Variants in VTI1A observed in about 807,000 individuals in gnomAD.
The protein encoded by VTI1A is vesicle transport through interaction with t-SNAREs 1A, also known as vesicle transport through interaction with t-SNAREs homolog 1A.
VTI1A carries 22 observed loss-of-function variants against 34.9 expected under a neutral mutation model. The observed-to-expected ratio is 0.63, with a 90% CI of 0.45 to 0.90. The LOEUF (loss-of-function observed/expected upper bound fraction) is 0.90. Ranked by LOEUF, VTI1A falls within the 40% of genes least tolerant of loss-of-function variation. VTI1A has a pLI of 0.00. For synonymous variants in VTI1A, 87 were observed against 97.3 expected (o/e 0.89, Z 0.62); for missense variants, 268 against 275.6 (o/e 0.97, Z 0.20).
At chr10:112,575,712 G>A (rs1417669612) in intron 5 of VTI1A, among the ~76,000 whole-genome samples, 2 of 152,156 alleles carry the variant, frequency 1.3e-5, no homozygotes, top group Non-Finnish European at 2.9e-5. Flanking sequence ...TTGAAGGATG[G>A]CACTATGTTA....
intron 5 of VTI1A, among the ~76,000 whole-genome samples, chr10:112,589,911 G>A (rs993937611): frequency 6.6e-6 from 1 of 152,178 alleles, no homozygotes; most frequent in Non-Finnish European, 1.5e-5. Context: ...TATTTCATGG[G>A]AATTGCAATG....
chr10:112,728,876 A>G lies in VTI1A; in HGVS notation c.560+59878A>G, dbSNP rs142886534. Among the ~76,000 whole-genome samples the G allele has an allele frequency of 1.2e-4, 18 of 152,238 alleles. No homozygotes were observed. The East Asian group carries it at 3.5e-3, about 29-fold the overall frequency. The stretch of plus-strand genomic sequence containing the variant: ...TAGTAGATTTTTTTTTAATCTGCAC[A>G]ATAGGCCTAAGAGATCAATGTTTTT... On this transcript the variant is annotated intron_variant, in intron 7 of 7. Transcript: ENST00000393077.
chr10:112,601,426 C>CCT (rs1844872051), intron 5 of VTI1A, among the ~76,000 whole-genome samples: 1 of 148,248 alleles, frequency 6.7e-6, no homozygotes, highest in Admixed American at 6.7e-5. Context: ...CAATTATTTA[C>CCT]TTTTTTTTTT....
intron 5 of VTI1A, among the ~76,000 whole-genome samples, chr10:112,636,006 G>C (rs1170222778): frequency 2.6e-5 from 4 of 152,222 alleles, no homozygotes; most frequent in Non-Finnish European, 4.4e-5. Context: ...TCTCAAAGGA[G>C]ACTGTTTGGA....
intron 5 of VTI1A, among the ~76,000 whole-genome samples, chr10:112,606,456 G>T (rs1382732363): frequency 6.6e-6 from 1 of 152,090 alleles, no homozygotes; most frequent in Non-Finnish European, 1.5e-5. Flanking sequence ...TCACTTACTG[G>T]TGCTTTTCCT....
intron 3 of VTI1A, among the ~76,000 whole-genome samples, chr10:112,476,571 GGCTCA>G (rs1848283987): frequency 6.6e-6 from 1 of 152,154 alleles, no homozygotes; most frequent in Non-Finnish European, 1.5e-5. Flanking sequence ...TTAAGGTGAT[GGCTCA>G]GTATGGTAGT....
the VTI1A span, among the ~76,000 whole-genome samples, chr10:112,841,163 G>A: frequency 6.6e-6 from 1 of 152,082 alleles, no homozygotes; most frequent in Non-Finnish European, 1.5e-5. Flanking sequence ...GCTTTCCTAG[G>A]GGATACTAAA....
chr10:112,514,004 C>T (rs1282827958), intron 3 of VTI1A, among the ~76,000 whole-genome samples: 2 of 151,710 alleles, frequency 1.3e-5, no homozygotes, highest in Non-Finnish European at 2.9e-5. Context: ...GCTTTAATAT[C>T]AGGATAATGC....
intron 5 of VTI1A, among the ~76,000 whole-genome samples, chr10:112,543,210 G>A (rs1238013835): frequency 4.6e-5 from 7 of 152,018 alleles, no homozygotes; most frequent in Admixed American, 3.3e-4. Flanking sequence ...GGATCGCTGA[G>A]TCAAATGGTA....
chr10:112,622,219 C>G (rs1018880300), intron 5 of VTI1A, among the ~76,000 whole-genome samples: 3 of 152,178 alleles, frequency 2.0e-5, no homozygotes, highest in African/African-American at 7.2e-5. Context: ...AAAAGCCAAA[C>G]TGCAAACCGG....
chr10:112,606,115 C>T (rs1845071151), intron 5 of VTI1A, among the ~76,000 whole-genome samples: 1 of 151,128 alleles, frequency 6.6e-6, no homozygotes, highest in Admixed American at 6.6e-5. Context: ...ACCTCCTCCT[C>T]CTGGGTTCAA....
the VTI1A span, among the ~76,000 whole-genome samples, chr10:112,837,118 C>T: frequency 2.0e-5 from 3 of 152,124 alleles, no homozygotes; most frequent in Admixed American, 1.3e-4. Flanking sequence ...GTCAGGAGTT[C>T]GAGACCAGCC....
At chr10:112,809,928 A>T (rs756919096) in intron 7 of VTI1A, among the ~76,000 whole-genome samples, 4 of 152,174 alleles carry the variant, frequency 2.6e-5, no homozygotes, top group Non-Finnish European at 5.9e-5. Context: ...GGAGGGAAGA[A>T]TGCACATATG....
intron 5 of VTI1A, among the ~76,000 whole-genome samples, chr10:112,583,036 A>G (rs17129872): frequency 0.027 from 4,084 of 152,204 alleles, 236 homozygotes; most frequent in East Asian, 0.14. Context: ...CTCTTCCCAA[A>G]TCGTTTAAGT....
intron 5 of VTI1A, among the ~76,000 whole-genome samples, chr10:112,586,640 C>T (rs10787451): frequency 0.16 from 24,935 of 152,094 alleles, 2,146 homozygotes; most frequent in Middle Eastern, 0.24. Context: ...ATCCTTTCCT[C>T]TTCTTTCTTT....
At chr10:112,626,802 A>G (rs1845940304) in intron 5 of VTI1A, among the ~76,000 whole-genome samples, 1 of 152,216 alleles carries the variant, frequency 6.6e-6, no homozygotes, top group Non-Finnish European at 1.5e-5. Flanking sequence ...TCCAGTTAAA[A>G]TGGGTAAAGG....
At chr10:112,482,546 A>C (rs1290870468) in intron 3 of VTI1A, among the ~76,000 whole-genome samples, 1 of 152,154 alleles carries the variant, frequency 6.6e-6, no homozygotes, top group Non-Finnish European at 1.5e-5. Context: ...TAATATTTAA[A>C]ATATACCATA....
chr10:112,822,593 C>T (rs1243972817), downstream of VTI1A, among the ~76,000 whole-genome samples: 1 of 152,160 alleles, frequency 6.6e-6, no homozygotes, highest in Non-Finnish European at 1.5e-5. Flanking sequence ...CTGCCACATC[C>T]AGGGGTCTTG....
chr10:112,550,207 A>G (rs1399939480), intron 5 of VTI1A, among the ~76,000 whole-genome samples: 1 of 152,254 alleles, frequency 6.6e-6, no homozygotes, highest in Non-Finnish European at 1.5e-5. Flanking sequence ...AATGAAGACT[A>G]CAGCAGATTG....
Sources: allele counts gnomAD v4.1 joint callset (sites outside exome capture counted in the v4.1 genomes callset), GRCh38; gene constraint gnomAD v4.1.1; transcripts MANE v1.5; gene names NCBI Gene and HGNC (gene_info 2026-07-23, HGNC 2026-07-21).